Variants in SLC35F4 observed in about 807,000 individuals in gnomAD.
SLC35F4 encodes chromosome 14 open reading frame 36.
SLC35F4 carries 24 observed loss-of-function variants against 44.2 expected under a neutral mutation model. The ratio of observed to expected loss-of-function variants is 0.54; its 90% CI spans 0.39 to 0.76. SLC35F4 has a LOEUF of 0.76. Among genes scored for constraint, SLC35F4 ranks in the 30% least tolerant of loss-of-function variants. The pLI, the probability that SLC35F4 is intolerant of heterozygous loss-of-function variation, is 0.00. For missense variants in SLC35F4, 562 were observed against 586.1 expected (o/e 0.96, Z 0.42); for synonymous variants, 238 against 223.6 (o/e 1.06, Z -0.57).
chr14:57,813,704 T>G (rs533335940), intron 1 of SLC35F4, among the ~76,000 whole-genome samples: 7 of 152,184 alleles, frequency 4.6e-5, no homozygotes, highest in Non-Finnish European at 8.8e-5. Flanking sequence ...TGCAGATGGA[T>G]GCACCAACAA....
intron 1 of SLC35F4, among the ~76,000 whole-genome samples, chr14:57,822,010 C>A (rs1883223969): frequency 6.6e-6 from 1 of 152,166 alleles, no homozygotes; most frequent in South Asian, 2.1e-4. Context: ...AGATTTGGTG[C>A]TTTAGGCTCT....
intron 1 of SLC35F4, among the ~76,000 whole-genome samples, chr14:57,952,453 A>G (rs549371137): frequency 6.6e-6 from 1 of 152,128 alleles, no homozygotes; most frequent in African/African-American, 2.4e-5. Context: ...TAATTGGCAG[A>G]AGTAGGCTTC....
intron 1 of SLC35F4, among the ~76,000 whole-genome samples, chr14:57,667,087 A>T (rs778345137): frequency 2.6e-5 from 4 of 151,964 alleles, no homozygotes; most frequent in Admixed American, 1.3e-4. Flanking sequence ...TCCTAGGCAG[A>T]CAGAGGAGAG....
At chr14:57,725,290 G>A (rs2076175598) in intron 1 of SLC35F4, among the ~76,000 whole-genome samples, 1 of 152,134 alleles carries the variant, frequency 6.6e-6, no homozygotes, top group Non-Finnish European at 1.5e-5. Context: ...CCTGGCTATG[G>A]TCACTGCTGA....
chr14:57,970,491 A>G (rs1881021067), intron 1 of SLC35F4, among the ~76,000 whole-genome samples: 2 of 152,204 alleles, frequency 1.3e-5, no homozygotes, highest in Admixed American at 6.5e-5. Context: ...TGGGTGATGA[A>G]TGACCCAAAC....
intron 6 of SLC35F4, 52 bp downstream of exon 6, chr14:57,569,736 G>T: frequency 6.8e-7 from 1 of 1,470,834 alleles, no homozygotes. Flanking sequence ...AATCTAACTA[G>T]CCAAAGAAAG....
At chr14:57,666,290 A>G (rs557645488) in intron 1 of SLC35F4, among the ~76,000 whole-genome samples, 2 of 152,288 alleles carry the variant, frequency 1.3e-5, no homozygotes, top group African/African-American at 4.8e-5. Flanking sequence ...CAAATAATCA[A>G]ATACTATCCA....
intron 1 of SLC35F4, among the ~76,000 whole-genome samples, chr14:57,812,038 A>T (rs1278368594): frequency 3.9e-5 from 6 of 152,222 alleles, no homozygotes; most frequent in Non-Finnish European, 7.3e-5. Flanking sequence ...AATTTGACTT[A>T]GAAATTCATT....
intron 1 of SLC35F4, among the ~76,000 whole-genome samples, chr14:57,656,936 C>T (rs894136675): frequency 4.6e-5 from 7 of 152,092 alleles, no homozygotes; most frequent in Non-Finnish European, 7.4e-5. Flanking sequence ...TTGTACATTA[C>T]GTCTTTGTTA....
intron 1 of SLC35F4, among the ~76,000 whole-genome samples, chr14:57,795,520 A>G (rs2078034094): frequency 6.6e-6 from 1 of 152,196 alleles, no homozygotes. Flanking sequence ...CTGCTTATGT[A>G]TTGATCCAAT....
rs67819924 is a variant in SLC35F4, at chr14:57,600,691, CAAAAAAAA to C, written c.104-6575_104-6568del. Among the ~76,000 whole-genome samples, 8 of 55,398 alleles carry C rather than the reference CAAAAAAAA, an allele frequency of 1.4e-4. 1 individual carries two copies. The highest frequency in any genetic ancestry group is 3.1e-4 in the African/African-American group (4 of 12,962). 36.3% of individuals were successfully genotyped at this position (55,398 alleles called of 152,430 possible). A position where few individuals can be genotyped will look rare whatever the true frequency, so the allele number is the denominator to read the frequency against. ...TGGGCGACAGAGCAAGACTCCATCT[CAAAAAAAA>C]AAAAAAAAAAAAAAAAAAAACCAAA... is the stretch of plus-strand genomic sequence containing the variant. On this transcript the variant is annotated intron_variant, in intron 1 of 7. Coordinates refer to ENST00000556826, the MANE Select transcript of SLC35F4 (RefSeq NM_001306087.2).
At chr14:57,665,873 C>G (rs1336200323) in intron 1 of SLC35F4, among the ~76,000 whole-genome samples, 2 of 152,136 alleles carry the variant, frequency 1.3e-5, no homozygotes, top group Non-Finnish European at 2.9e-5. Flanking sequence ...CGAATTAGCA[C>G]AGGAACAGAA....
At chr14:57,745,917 G>A (rs1172501870) in intron 1 of SLC35F4, among the ~76,000 whole-genome samples, 3 of 152,152 alleles carry the variant, frequency 2.0e-5, no homozygotes, top group Admixed American at 6.5e-5. Context: ...AAAAGGATGA[G>A]TTCATGTCCT....
rs2074877984 is a variant in SLC35F4 at position 57,680,921 on chromosome 14, T to C, written c.104-86797A>G. Among the ~76,000 whole-genome samples, 3 of 152,032 alleles carry C rather than the reference T, an allele frequency of 2.0e-5. No homozygotes were observed. The South Asian group carries it at 6.2e-4, about 31-fold the overall frequency. ...CATGCTCACAGATAGGAAGAATAAATATCATCAAAATGGCCATACTGCCCA... is the reference window on the plus strand; with the variant it reads ...CATGCTCACAGATAGGAAGAATAAACATCATCAAAATGGCCATACTGCCCA... On this transcript the variant is annotated intron_variant, in intron 1 of 7. Coordinates refer to ENST00000556826, the MANE Select transcript of SLC35F4 (RefSeq NM_001306087.2).
intron 1 of SLC35F4, among the ~76,000 whole-genome samples, chr14:57,828,551 C>T (rs1397010413): frequency 6.6e-6 from 1 of 152,182 alleles, no homozygotes; most frequent in Non-Finnish European, 1.5e-5. Flanking sequence ...TTTCTTCACA[C>T]ACATCTCTCC....
At chr14:57,895,549 T>C (rs1454512659) in intron 1 of SLC35F4, among the ~76,000 whole-genome samples, 2 of 151,898 alleles carry the variant, frequency 1.3e-5, no homozygotes, top group Non-Finnish European at 2.9e-5. Flanking sequence ...TTTAAAAGCA[T>C]GTGGCACTTA....
chr14:57,665,327 T>G (rs1456175270), intron 1 of SLC35F4, among the ~76,000 whole-genome samples: 1 of 152,142 alleles, frequency 6.6e-6, no homozygotes, highest in Non-Finnish European at 1.5e-5. Context: ...ACAATAATAA[T>G]AGCTATTACT....
chr14:57,817,115 A>G (rs1882686480), intron 1 of SLC35F4, among the ~76,000 whole-genome samples: 1 of 152,176 alleles, frequency 6.6e-6, no homozygotes, highest in South Asian at 2.1e-4. Context: ...GTAGATGAAA[A>G]TGAGGTACAG....
intron 1 of SLC35F4, among the ~76,000 whole-genome samples, chr14:57,875,777 T>C (rs1187445657): frequency 6.6e-6 from 1 of 152,212 alleles, no homozygotes; most frequent in Non-Finnish European, 1.5e-5. Flanking sequence ...ATTGATTAGG[T>C]GGAGAAATGG....
Sources: allele counts gnomAD v4.1 joint callset (sites outside exome capture counted in the v4.1 genomes callset), GRCh38; gene constraint gnomAD v4.1.1; transcripts MANE v1.5; gene names NCBI Gene and HGNC (gene_info 2026-07-23, HGNC 2026-07-21).